MIPEP: variants seen among roughly 807,000 people sequenced by gnomAD.
The protein encoded by MIPEP is mitochondrial intermediate peptidase.
MIPEP carries 79 observed loss-of-function variants against 90.3 expected under a neutral mutation model. The observed-to-expected ratio is 0.87, with a 90% CI of 0.73 to 1.05. The LOEUF is 1.05. Ranked by LOEUF, MIPEP falls within the 50% of genes least tolerant of loss-of-function variation. MIPEP has a pLI of 0.00. For synonymous variants in MIPEP, 334 were observed against 315.8 expected, an observed-to-expected ratio of 1.06 and a Z score of -0.61; for missense variants, 940 against 905.6, an observed-to-expected ratio of 1.04 and a Z score of -0.49.
chr13:23,866,410 A>C (rs1005295703), intron 7 of MIPEP, among the ~76,000 whole-genome samples: 1 of 152,176 alleles, frequency 6.6e-6, no homozygotes, highest in Non-Finnish European at 1.5e-5. Context: ...CCAAGCACTT[A>C]GTGCACAAGG....
intron 5 of MIPEP, among the ~76,000 whole-genome samples, chr13:23,873,693 G>A (rs1870932213): frequency 6.6e-6 from 1 of 152,334 alleles, no homozygotes; most frequent in East Asian, 1.9e-4. Flanking sequence ...TAGGAACAAT[G>A]CAAGGACTTG....
chr13:23,819,819 G>T (rs974131379), intron 14 of MIPEP, among the ~76,000 whole-genome samples: 1 of 152,068 alleles, frequency 6.6e-6, no homozygotes, highest in Non-Finnish European at 1.5e-5. Flanking sequence ...GACCAGCCTG[G>T]CCAACATGGT....
intron 16 of MIPEP, among the ~76,000 whole-genome samples, chr13:23,762,825 G>C (rs1273406598): frequency 6.6e-6 from 1 of 152,164 alleles, no homozygotes; most frequent in Non-Finnish European, 1.5e-5. Context: ...ACAGTACCAT[G>C]AATACACAAC....
chr13:23,849,961 G>T (rs775489612), intron 10 of MIPEP, among the ~76,000 whole-genome samples: 1 of 152,236 alleles, frequency 6.6e-6, no homozygotes, highest in African/African-American at 2.4e-5. Context: ...TACAGTCAGA[G>T]AATCCAGGTT....
chr13:23,879,293 C>T lies in MIPEP; in HGVS notation c.514G>A (p.Val172Met), dbSNP rs752836190. The T allele has an allele frequency of 2.3e-5, 37 of 1,605,844 alleles. No homozygotes were observed. In the East Asian group the frequency reaches 7.1e-4, roughly 31 times the overall value. ...CTTGTTTCTGGATCAAGGGAATCCACAAGTTTTTTATCAGCTAGTAATTTT... is the reference window on the plus strand; with the variant it reads ...CTTGTTTCTGGATCAAGGGAATCCATAAGTTTTTTATCAGCTAGTAATTTT... ...LQKLLADKKL[V>M]DSLDPETRRV... The change falls in exon 4 of 19, where the codon GTG becomes ATG. Residue 172 changes from valine to methionine, a missense_variant. Val to Met is a conservative substitution (Grantham distance 21). Coordinates refer to ENST00000382172, the MANE Select transcript of MIPEP (RefSeq NM_005932.4).
At chr13:23,806,148 T>G in intron 15 of MIPEP, 79 bp from the exon 16 acceptor site, 6 of 1,448,156 alleles carry the variant, frequency 4.1e-6, no homozygotes, top group Non-Finnish European at 5.8e-6. Context: ...ATGCTATAAG[T>G]GCACCAGAAC....
intron 13 of MIPEP, 59 bp downstream of exon 13, chr13:23,837,493 C>A: frequency 7.5e-7 from 1 of 1,330,724 alleles, no homozygotes; most frequent in Non-Finnish European, 1.1e-6. Flanking sequence ...TTTCCCAATT[C>A]AAAGAAAATG....
At chr13:23,780,473 C>T (rs1333016732) in intron 16 of MIPEP, among the ~76,000 whole-genome samples, 7 of 151,554 alleles carry the variant, frequency 4.6e-5, no homozygotes, top group South Asian at 2.1e-4. Context: ...TCATCAAAGA[C>T]CAAAGGTAGA....
intron 16 of MIPEP, among the ~76,000 whole-genome samples, chr13:23,798,292 T>C (rs1345266663): frequency 3.3e-5 from 5 of 152,218 alleles, no homozygotes; most frequent in Non-Finnish European, 7.3e-5. Flanking sequence ...AACAGTTTGT[T>C]ACACATAGAA....
At chr13:23,786,239 G>T (rs1409276555) in intron 16 of MIPEP, among the ~76,000 whole-genome samples, 1 of 151,838 alleles carries the variant, frequency 6.6e-6, no homozygotes, top group Non-Finnish European at 1.5e-5. Context: ...AAAAAGACAA[G>T]AAAAACTAAA....
intron 14 of MIPEP, among the ~76,000 whole-genome samples, chr13:23,810,970 T>C (rs908883180): frequency 2.0e-5 from 3 of 152,204 alleles, no homozygotes; most frequent in African/African-American, 7.2e-5. Flanking sequence ...ACAATATTTT[T>C]AAAGAGCTAA....
intron 18 of MIPEP, among the ~76,000 whole-genome samples, chr13:23,744,245 C>A (rs1482131462): frequency 6.6e-6 from 1 of 152,184 alleles, no homozygotes; most frequent in Non-Finnish European, 1.5e-5. Context: ...AGTTAGCATA[C>A]TAGTTGGCAC....
At position 23,889,162 on chromosome 13, in the gene MIPEP, G is replaced by T; in HGVS notation, c.159C>A (p.Gly53=). ...GCTCGCCGAACAGGTCCAAGCGGCT[G>T]CCCTGGGGCTTGACATTGAAGGCGG... ...VGAAFNVKPQ[G]SRLDLFGERR... Residue 53 remains glycine, a synonymous_variant, in exon 1 of 19, where the codon GGC becomes GGA. Transcript: ENST00000382172. 1 of 1,466,040 alleles carries T rather than the reference G, an allele frequency of 6.8e-7. No individual in the cohort carries two copies. Among genetic ancestry groups the T allele is most frequent in the Non-Finnish European group, 9.0e-7 (1 of 1,110,486 alleles). 90.8% of individuals were successfully genotyped at this position (1,466,040 alleles called of 1,614,324 possible). A position where few individuals can be genotyped will look rare whatever the true frequency, so the allele number is the denominator to read the frequency against.
chr13:23,835,176 G>A (rs1868980612), intron 14 of MIPEP, among the ~76,000 whole-genome samples: 2 of 151,836 alleles, frequency 1.3e-5, no homozygotes, highest in Admixed American at 1.3e-4. Context: ...ATGTGCCACT[G>A]CGCCTGGCTA....
intron 4 of MIPEP, among the ~76,000 whole-genome samples, chr13:23,878,289 G>C (rs1258210105): frequency 6.6e-6 from 1 of 152,158 alleles, no homozygotes; most frequent in Non-Finnish European, 1.5e-5. Flanking sequence ...CTGAGCATCA[G>C]GACTGATAAA....
rs574100038 is a variant in MIPEP at position 23,858,582 on chromosome 13, G to A, written c.1106+278C>T. On this transcript the variant is annotated intron_variant, in intron 10 of 18. Transcript: ENST00000382172. ...TGAGCCCCTACTCTGGGCCAGCAAT[G>A]GGATACAACAAGGATTCCAGCAATG... Among the ~76,000 whole-genome samples the A allele has an allele frequency of 3.3e-5, 5 of 152,108 alleles. No individual in the cohort carries two copies. In the East Asian group the frequency reaches 5.8e-4, roughly 18 times the overall value.
At chr13:23,842,817 C>T (rs950055416) in intron 10 of MIPEP, among the ~76,000 whole-genome samples, 2 of 152,110 alleles carry the variant, frequency 1.3e-5, no homozygotes, top group African/African-American at 2.4e-5. Context: ...AAGAAAGAAT[C>T]GGCCGGGTGC....
At chr13:23,741,465 T>C (rs1241109576) in intron 18 of MIPEP, among the ~76,000 whole-genome samples, 1 of 150,680 alleles carries the variant, frequency 6.6e-6, no homozygotes, top group African/African-American at 2.4e-5. Context: ...ATGTGGTACA[T>C]ACACACCAAG....
rs1952492960 is a variant in MIPEP at position 23,756,569 on chromosome 13, T to G, written c.2020A>C (p.Arg674=). 12 of 1,613,948 alleles carry G rather than the reference T, an allele frequency of 7.4e-6. No homozygotes were observed. The highest frequency in any genetic ancestry group is 9.3e-6 in the Non-Finnish European group (11 of 1,180,044). ...CCTTCAACCATGAGCATGGGCTCCCTGCCTCCACCGTGGGCCAGCATCTCC... is the reference window on the plus strand; with the variant it reads ...CCTTCAACCATGAGCATGGGCTCCCGGCCTCCACCGTGGGCCAGCATCTCC... ...RREMLAHGGG[R]EPMLMVEGML... The change falls in exon 18 of 19, where the codon AGG becomes CGG. Residue 674 remains arginine (R), a synonymous_variant. Coordinates refer to ENST00000382172, the MANE Select transcript of MIPEP (RefSeq NM_005932.4).
Sources: allele counts gnomAD v4.1 joint callset (sites outside exome capture counted in the v4.1 genomes callset), GRCh38; gene constraint gnomAD v4.1.1; transcripts MANE v1.5; gene names NCBI Gene and HGNC (gene_info 2026-07-23, HGNC 2026-07-21).